FBN2: variants seen among roughly 807,000 people sequenced by gnomAD.
FBN2 encodes fibrillin 2, also known as fibrillin-2.
A neutral mutation model predicts 355.6 loss-of-function variants in FBN2; 105 were observed. The ratio of observed to expected loss-of-function variants is 0.30; its 90% CI spans 0.25 to 0.35. The LOEUF (loss-of-function observed/expected upper bound fraction) is 0.35, where lower values mean the gene tolerates loss of function less well. Among genes scored for constraint, FBN2 ranks in the 10% least tolerant of loss-of-function variants. The probability of loss-of-function intolerance (pLI) is 1.00; values close to 1 mark genes in which losing one functional copy is unlikely to be tolerated. For synonymous variants in FBN2, 1,350 were observed against 1,301.2 expected (o/e 1.04, Z -0.81); for missense variants, 3,280 against 3,758.7 (o/e 0.87, Z 3.33).
At chr5:128,317,037 G>T (rs1750219278) in intron 36 of FBN2, among the ~76,000 whole-genome samples, 1 of 152,136 alleles carries the variant, frequency 6.6e-6, no homozygotes, top group South Asian at 2.1e-4. Context: ...GCTACAAGCA[G>T]CCTTGTGCTG....
chr5:128,467,093 C>A (rs180889189), intron 5 of FBN2, among the ~76,000 whole-genome samples: 1 of 152,256 alleles, frequency 6.6e-6, no homozygotes, highest in African/African-American at 2.4e-5. Context: ...CAGTCTCCCT[C>A]ATAACCAAAT....
Position 128,537,697 on chromosome 5 carries a change from A to T in FBN2, c.-94T>A. On this transcript the variant is annotated 5_prime_UTR_variant, in exon 1 of 65. Transcript: ENST00000262464. ...CTCAGAAAAGAGTCAGGGTCTAATA[A>T]GCCCTTCGTCGGCTCCGGGGACTCC... 7.7e-7 allele frequency: 1 copy of T among 1,294,490 alleles called. No individual in the cohort carries two copies. The highest frequency in any genetic ancestry group is 1.1e-6 in the Non-Finnish European group (1 of 922,698). The allele number at this position is 1,294,490 out of a possible 1,614,324, so 80.2% of individuals were successfully genotyped here.
chr5:128,393,207 T>A lies in FBN2; in HGVS notation c.1393A>T (p.Asn465Tyr). 4 of 1,614,178 alleles carry A rather than the reference T, an allele frequency of 2.5e-6. No individual in the cohort carries two copies. Among genetic ancestry groups the A allele is most frequent in the Non-Finnish European group, 3.4e-6 (4 of 1,180,030 alleles). The change falls in exon 10 of 65, where the codon AAT (asparagine) becomes TAT (tyrosine). Residue 465 changes from asparagine to tyrosine, a missense_variant. Asn to Tyr is a moderately radical substitution (Grantham distance 143, BLOSUM62 -2). This residue lies in a region of FBN2 where 343 missense variants were observed against 331.0 expected (regional missense o/e 1.04). Coordinates refer to ENST00000262464, the MANE Select transcript of FBN2 (RefSeq NM_001999.4). Reference sequence around the variant, plus strand: ...CCCCCAACGCCAGGAGAAAAGCCATTGCCTCCAGGGATGGGGATGAAGCCT... The same window carrying A: ...CCCCCAACGCCAGGAGAAAAGCCATAGCCTCCAGGGATGGGGATGAAGCCT... ...GTGFIPIPGG[N>Y]GFSPGVGGAG...
At chr5:128,409,135 T>TA (rs1561442610) in intron 7 of FBN2, among the ~76,000 whole-genome samples, 1 of 152,152 alleles carries the variant, frequency 6.6e-6, no homozygotes, top group Non-Finnish European at 1.5e-5. Context: ...CTAGAGCCTT[T>TA]AAAAAAACAC....
chr5:128,326,348 T>G (rs1750547227), intron 34 of FBN2, among the ~76,000 whole-genome samples: 1 of 152,182 alleles, frequency 6.6e-6, no homozygotes, highest in East Asian at 1.9e-4. Context: ...TTGATGAACT[T>G]AGCCTTTGCT....
intron 5 of FBN2, among the ~76,000 whole-genome samples, chr5:128,510,862 T>C (rs1370485256): frequency 6.6e-6 from 1 of 152,186 alleles, no homozygotes; most frequent in Non-Finnish European, 1.5e-5. Context: ...CGTGTTTCAC[T>C]AGAATCAAAG....
intron 6 of FBN2, among the ~76,000 whole-genome samples, chr5:128,453,590 C>A (rs552457895): frequency 1.3e-5 from 2 of 152,170 alleles, no homozygotes; most frequent in East Asian, 1.9e-4. Flanking sequence ...GGTAGTAATT[C>A]TTTGAAGCAT....
intron 8 of FBN2, among the ~76,000 whole-genome samples, chr5:128,397,498 A>T (rs1752680001): frequency 6.6e-6 from 1 of 152,214 alleles, no homozygotes; most frequent in South Asian, 2.1e-4. Flanking sequence ...TTTACATTCA[A>T]ATATTATTAA....
At chr5:128,483,285 C>T (rs1755245416) in intron 5 of FBN2, among the ~76,000 whole-genome samples, 1 of 152,134 alleles carries the variant, frequency 6.6e-6, no homozygotes, top group Non-Finnish European at 1.5e-5. Flanking sequence ...AACAAACCTG[C>T]ACATGTACCC....
chr5:128,293,846 A>C (rs1352087672), intron 48 of FBN2, among the ~76,000 whole-genome samples: 1 of 151,860 alleles, frequency 6.6e-6, no homozygotes, highest in Non-Finnish European at 1.5e-5. Context: ...TTAATTAATT[A>C]ATTATTATAC....
At chr5:128,306,702 T>A (rs916935000) in intron 42 of FBN2, among the ~76,000 whole-genome samples, 3 of 151,982 alleles carry the variant, frequency 2.0e-5, no homozygotes, top group Non-Finnish European at 4.4e-5. Context: ...TTAGAAGGAA[T>A]TAATTAATAT....
chr5:128,296,973 T>A (rs1253439335), intron 48 of FBN2, among the ~76,000 whole-genome samples: 1 of 152,230 alleles, frequency 6.6e-6, no homozygotes, highest in Non-Finnish European at 1.5e-5. Flanking sequence ...TTGTGAGCAT[T>A]TAGTGCTGTA....
At chr5:128,304,816 TTAAA>T in intron 45 of FBN2, 137 bp downstream of exon 45, 1 of 1,068,854 alleles carries the variant, frequency 9.4e-7, no homozygotes, top group Middle Eastern at 2.0e-4. Context: ...GAATCAAGAC[TTAAA>T]TAGTTTGACC....
chr5:128,299,527 C>G (rs878911425), intron 48 of FBN2, among the ~76,000 whole-genome samples: 3 of 151,838 alleles, frequency 2.0e-5, no homozygotes, highest in Admixed American at 2.0e-4. Context: ...TCTCCTGGTG[C>G]GCCGTTTTTT....
intron 8 of FBN2, among the ~76,000 whole-genome samples, chr5:128,398,349 A>G (rs530052962): frequency 7.3e-4 from 110 of 150,998 alleles, no homozygotes; most frequent in Non-Finnish European, 9.9e-4. Flanking sequence ...AATTCTGACA[A>G]TTATTATTTT....
chr5:128,303,595 T>C (rs1307630920), intron 45 of FBN2, among the ~76,000 whole-genome samples: 3 of 152,144 alleles, frequency 2.0e-5, no homozygotes, highest in Non-Finnish European at 4.4e-5. Context: ...AAAAACTGAA[T>C]TAAGAAAATA....
At chr5:128,517,673 G>A (rs930031239) in intron 5 of FBN2, among the ~76,000 whole-genome samples, 1 of 152,104 alleles carries the variant, frequency 6.6e-6, no homozygotes, top group African/African-American at 2.4e-5. Context: ...TAATTTCTCA[G>A]TTTCTTCTCC....
chr5:128,512,034 T>C (rs963755290), intron 5 of FBN2, among the ~76,000 whole-genome samples: 2 of 152,072 alleles, frequency 1.3e-5, no homozygotes, highest in African/African-American at 4.8e-5. Flanking sequence ...ACAAGATAAG[T>C]AGGGTCTAAT....
At chr5:128,336,730 C>A (rs556151297) in intron 27 of FBN2, among the ~76,000 whole-genome samples, 1 of 152,146 alleles carries the variant, frequency 6.6e-6, no homozygotes, top group African/African-American at 2.4e-5. Context: ...AATAAACTAA[C>A]CCCTATAATA....
Sources: allele counts gnomAD v4.1 joint callset (sites outside exome capture counted in the v4.1 genomes callset), GRCh38; gene constraint gnomAD v4.1.1; regional missense constraint gnomAD v4.1.1; transcripts MANE v1.5; gene names NCBI Gene and HGNC (gene_info 2026-07-23, HGNC 2026-07-21).